CCNY: variants seen among roughly 807,000 people sequenced by gnomAD.
CCNY encodes cyclin Y.
CCNY carries 19 observed loss-of-function variants against 42.8 expected under a neutral mutation model. The ratio of observed to expected loss-of-function variants is 0.44; its 90% confidence interval spans 0.31 to 0.65. The LOEUF is 0.65. CCNY is among the 30% of genes least tolerant of loss of function. The probability of loss-of-function intolerance (pLI) is 0.07; values close to 1 mark genes in which losing one functional copy is unlikely to be tolerated. For missense variants in CCNY, 370 were observed against 437.3 expected, an observed-to-expected ratio of 0.85 and a Z score of 1.37; for synonymous variants, 165 against 162.7, an observed-to-expected ratio of 1.01 and a Z score of -0.11.
At chr10:35,392,808 G>A (rs1837441770) in intron 1 of CCNY, among the ~76,000 whole-genome samples, 1 of 152,200 alleles carries the variant, frequency 6.6e-6, no homozygotes, top group Admixed American at 6.5e-5. Context: ...GACTTTAGTT[G>A]TGGCCATTAC....
chr10:35,516,451 C>T (rs1201252866), intron 3 of CCNY, 72 bp from the exon 4 acceptor site: 25 of 980,048 alleles, frequency 2.6e-5, no homozygotes, highest in African/African-American at 8.0e-5. Context: ...TCAAGTTAAG[C>T]GGGGGTGATG....
At chr10:35,296,467 G>A (rs578052761) in intron 3 of CCNY, among the ~76,000 whole-genome samples, 7 of 152,290 alleles carry the variant, frequency 4.6e-5, no homozygotes, top group African/African-American at 1.7e-4. Flanking sequence ...TGTAATCCCA[G>A]TTACTTGGGA....
At chr10:35,418,575 A>G (rs1245340207) in intron 1 of CCNY, among the ~76,000 whole-genome samples, 1 of 152,108 alleles carries the variant, frequency 6.6e-6, no homozygotes, top group African/African-American at 2.4e-5. Context: ...CCCCATAACA[A>G]TGATAACAGA....
chr10:35,296,409 A>G (rs1461683034), intron 3 of CCNY, among the ~76,000 whole-genome samples: 1 of 152,056 alleles, frequency 6.6e-6, no homozygotes, highest in Non-Finnish European at 1.5e-5. Context: ...GAGAAACCCC[A>G]TGTCGACTAA....
At chr10:35,366,876 G>A (rs1426334668) in intron 1 of CCNY, among the ~76,000 whole-genome samples, 4 of 152,206 alleles carry the variant, frequency 2.6e-5, no homozygotes, top group Non-Finnish European at 5.9e-5. Context: ...AGATAGCCAC[G>A]TGTGGCTAGA....
intron 2 of CCNY, among the ~76,000 whole-genome samples, chr10:35,483,910 A>G (rs1054366250): frequency 6.6e-6 from 1 of 152,170 alleles, no homozygotes; most frequent in African/African-American, 2.4e-5. Context: ...TTGAACCCAT[A>G]CTGTAGGTGC....
intron 3 of CCNY, among the ~76,000 whole-genome samples, chr10:35,324,440 C>T (rs967206424): frequency 2.0e-5 from 3 of 152,164 alleles, no homozygotes; most frequent in Non-Finnish European, 2.9e-5. Flanking sequence ...TGTAATGAAA[C>T]CCTGTAAACA....
rs114830661 is a variant in CCNY, at chr10:35,342,517, A to G, written c.154+5310A>G. ...CATGACCTGTCTCTGCTTACTTTTC[A>G]TGTTTCTCTTTCACTTAGAATCAGG... On this transcript the variant is annotated intron_variant, in intron 1 of 9. Transcript: ENST00000374704. Among the ~76,000 whole-genome samples, 1,036 of 152,186 alleles carry G rather than the reference A, an allele frequency of 6.8e-3. 11 individuals carry two copies. Among genetic ancestry groups the G allele is most frequent in the African/African-American group, 0.024 (989 of 41,518 alleles).
At chr10:35,252,902 T>C (rs1275699193) in intron 3 of CCNY, among the ~76,000 whole-genome samples, 1 of 152,298 alleles carries the variant, frequency 6.6e-6, no homozygotes, top group East Asian at 1.9e-4. Context: ...TTCAGAATTG[T>C]AGTGGTCGCA....
chr10:35,425,774 C>T (rs1462682858), intron 1 of CCNY, among the ~76,000 whole-genome samples: 1 of 152,188 alleles, frequency 6.6e-6, no homozygotes, highest in Non-Finnish European at 1.5e-5. Context: ...CTAACTTTTA[C>T]ATCTGTGTAA....
At chr10:35,558,908 C>T (rs751867438) in intron 8 of CCNY, among the ~76,000 whole-genome samples, 1 of 152,192 alleles carries the variant, frequency 6.6e-6, no homozygotes, top group Non-Finnish European at 1.5e-5. Context: ...GATTTTGGTA[C>T]TGGGAAGTGA....
At chr10:35,534,341 G>A (rs906041110) in intron 7 of CCNY, among the ~76,000 whole-genome samples, 2 of 152,120 alleles carry the variant, frequency 1.3e-5, no homozygotes, top group Non-Finnish European at 2.9e-5. Flanking sequence ...CTTTCTGAAG[G>A]GACAGAAAAA....
chr10:35,463,934 T>G (rs569198354), intron 1 of CCNY, among the ~76,000 whole-genome samples: 24 of 152,294 alleles, frequency 1.6e-4, no homozygotes, highest in African/African-American at 5.5e-4. Context: ...GCATTAAAGC[T>G]TCAGAGTAAC....
chr10:35,429,369 A>G (rs910947486), intron 1 of CCNY, among the ~76,000 whole-genome samples: 1 of 152,264 alleles, frequency 6.6e-6, no homozygotes, highest in Non-Finnish European at 1.5e-5. Flanking sequence ...CTTAAAATGA[A>G]TAAAGAAATA....
chr10:35,486,976 T>A (rs1839800962), intron 2 of CCNY, among the ~76,000 whole-genome samples: 1 of 152,152 alleles, frequency 6.6e-6, no homozygotes. Context: ...ATCAGAACCA[T>A]ACTGTGGAAT....
chr10:35,347,967 C>CA (rs752460506), intron 1 of CCNY, among the ~76,000 whole-genome samples: 1 of 152,176 alleles, frequency 6.6e-6, no homozygotes, highest in Non-Finnish European at 1.5e-5. Flanking sequence ...AATCCAGTTT[C>CA]AAAAATTTCA....
intron 1 of CCNY, among the ~76,000 whole-genome samples, chr10:35,344,545 T>A (rs1836256562): frequency 6.6e-6 from 1 of 152,062 alleles, no homozygotes; most frequent in African/African-American, 2.4e-5. Flanking sequence ...CAAAAAAAAT[T>A]TTTTTTTCAG....
intron 1 of CCNY, among the ~76,000 whole-genome samples, chr10:35,438,267 G>A (rs1838583755): frequency 6.6e-6 from 1 of 150,506 alleles, no homozygotes; most frequent in African/African-American, 2.5e-5. Flanking sequence ...TCCCACCTCA[G>A]CCTTCCAAGT....
intron 1 of CCNY, among the ~76,000 whole-genome samples, chr10:35,468,017 TAGCC>T (rs1490595405): frequency 6.6e-6 from 1 of 152,250 alleles, no homozygotes; most frequent in Non-Finnish European, 1.5e-5. Context: ...TTGACCATGT[TAGCC>T]ATTTGGGCTG....
Sources: allele counts gnomAD v4.1 joint callset (sites outside exome capture counted in the v4.1 genomes callset), GRCh38; gene constraint gnomAD v4.1.1; transcripts MANE v1.5; gene names NCBI Gene and HGNC (gene_info 2026-07-23, HGNC 2026-07-21).